Variants in DNAJB13 observed in about 807,000 individuals in gnomAD.
DNAJB13 encodes dnaJ homolog subfamily B member 13.
A neutral mutation model predicts 35.6 loss-of-function variants in DNAJB13; 22 were observed. The ratio of observed to expected loss-of-function variants is 0.62; its 90% confidence interval spans 0.44 to 0.88. DNAJB13 has a LOEUF of 0.88. Ranked by LOEUF, DNAJB13 falls within the 40% of genes least tolerant of loss-of-function variation. The probability of loss-of-function intolerance (pLI) is 0.00; values close to 1 mark genes in which losing one functional copy is unlikely to be tolerated. For synonymous variants in DNAJB13, 136 were observed against 144.2 expected (o/e 0.94, Z 0.41); for missense variants, 370 against 384.3 (o/e 0.96, Z 0.31).
Position 73,970,062 on chromosome 11 carries a change from C to G in DNAJB13, c.899C>G (p.Thr300Ser), listed in dbSNP as rs772768069. The G allele has an allele frequency of 6.2e-7, 1 of 1,611,298 alleles. No homozygotes were observed. The highest frequency in any genetic ancestry group is 8.5e-7 in the Non-Finnish European group (1 of 1,178,654). Residue 300 changes from threonine to serine, a missense_variant, in exon 8 of 8, where the codon ACC becomes AGC. By Grantham distance (58) the Thr-to-Ser change is moderately conservative (BLOSUM62 1). Transcript: ENST00000339764. ...LFIFFDIQFPTRLTPQKKQML... is the reference protein window; with the variant it reads ...LFIFFDIQFPSRLTPQKKQML... The stretch of plus-strand genomic sequence containing the variant: ...ATCTTCTTCGACATCCAGTTCCCCA[C>G]CCGCCTCACACCCCAGAAGAAGCAG...
At chr11:73,952,154 T>C (rs1429729459) in intron 1 of DNAJB13, among the ~76,000 whole-genome samples, 1 of 151,924 alleles carries the variant, frequency 6.6e-6, no homozygotes, top group East Asian at 1.9e-4. Context: ...GAAGAGGAAG[T>C]ATGGGGGGCT....
At position 73,968,420 on chromosome 11, in the gene DNAJB13, G is replaced by C. The variant is rs1410401408; in HGVS notation, c.682G>C (p.Asp228His). The change falls in exon 6 of 8, where the codon GAC (aspartate) becomes CAC (histidine). Residue 228 changes from aspartate (D) to histidine (H), a missense_variant. Asp to His is a moderately conservative substitution (Grantham distance 81). Transcript: ENST00000339764. The part of the protein sequence containing the change: ...KLHPRFRREN[D>H]NLFFVNPIPL... Reference sequence around the variant, plus strand: ...ACACCCTCGCTTCCGCAGGGAGAATGACAACCTCTTCTTCGTGAACCCCAT... The same window carrying C: ...ACACCCTCGCTTCCGCAGGGAGAATCACAACCTCTTCTTCGTGAACCCCAT... The C allele has an allele frequency of 6.2e-7, 1 of 1,614,072 alleles. No individual in the cohort carries two copies. The highest frequency in any genetic ancestry group is 1.7e-5 in the Admixed American group (1 of 60,008).
At chr11:73,961,521 G>T (rs1469216941) in intron 3 of DNAJB13, among the ~76,000 whole-genome samples, 2 of 152,118 alleles carry the variant, frequency 1.3e-5, no homozygotes. Context: ...TGAAACTCGT[G>T]GGTGGACCCA....
At chr11:73,967,978 G>T (rs1009835124) in intron 5 of DNAJB13, 3 of 383,516 alleles carry the variant, frequency 7.8e-6, no homozygotes, top group African/African-American at 6.1e-5. Context: ...GTGACTTAAT[G>T]AAGTTTGGGA....
chr11:73,968,167 G>A, intron 5 of DNAJB13, 178 bp from the exon 6 acceptor site: 1 of 617,700 alleles, frequency 1.6e-6, no homozygotes, highest in Non-Finnish European at 2.9e-6. Flanking sequence ...ATTTGGGTAA[G>A]CTTCTCGGGC....
intron 1 of DNAJB13, among the ~76,000 whole-genome samples, chr11:73,951,882 G>A (rs1950595094): frequency 6.6e-6 from 1 of 152,150 alleles, no homozygotes; most frequent in Non-Finnish European, 1.5e-5. Context: ...CCGACCTCTG[G>A]TGATCCACCC....
intron 4 of DNAJB13, 83 bp from the exon 5 acceptor site, chr11:73,966,055 G>C (rs531398323): frequency 1.0e-5 from 13 of 1,263,228 alleles, no homozygotes; most frequent in African/African-American, 7.4e-5. Flanking sequence ...GGTCACCTGA[G>C]TGTTCATGAA....
intron 3 of DNAJB13, among the ~76,000 whole-genome samples, chr11:73,962,995 A>T (rs1950975869): frequency 6.6e-6 from 1 of 152,172 alleles, no homozygotes; most frequent in Non-Finnish European, 1.5e-5. Context: ...TTAAGGCTCA[A>T]GGGCTATTAT....
At chr11:73,960,513 G>C (rs1950903228) in intron 3 of DNAJB13, among the ~76,000 whole-genome samples, 1 of 151,996 alleles carries the variant, frequency 6.6e-6, no homozygotes, top group African/African-American at 2.4e-5. Flanking sequence ...GTAGAGACAG[G>C]GTTTCGCCAT....
chr11:73,956,050 A>T (rs1950734064), intron 1 of DNAJB13, among the ~76,000 whole-genome samples: 1 of 152,168 alleles, frequency 6.6e-6, no homozygotes, highest in African/African-American at 2.4e-5. Context: ...GTCCTGCAGG[A>T]TGCTTAGCAT....
intron 2 of DNAJB13, 100 bp downstream of exon 2, chr11:73,958,520 C>A (rs1457203395): frequency 9.4e-7 from 1 of 1,058,634 alleles, no homozygotes; most frequent in African/African-American, 1.6e-5. Context: ...GAGGAAGCAT[C>A]CTTCTTCCCT....
intron 1 of DNAJB13, among the ~76,000 whole-genome samples, chr11:73,953,799 ACCATC>A (rs1404544797): frequency 6.6e-6 from 1 of 151,664 alleles, no homozygotes; most frequent in Middle Eastern, 3.4e-3. Context: ...TTCCCTCAAG[ACCATC>A]CTGGCTAACA....
intron 1 of DNAJB13, among the ~76,000 whole-genome samples, chr11:73,951,617 C>T (rs559252126): frequency 2.0e-5 from 3 of 152,296 alleles, no homozygotes; most frequent in African/African-American, 7.2e-5. Flanking sequence ...AAGCCTACAA[C>T]AGGAGTCAGT....
rs376701383 is a variant in DNAJB13, at chr11:73,966,257, G to A, written c.606+6G>A. 3.1e-6 allele frequency: 5 copies of A among 1,609,756 alleles called. No individual in the cohort carries two copies. In the South Asian group the frequency reaches 5.6e-5, roughly 18 times the overall value. ...TTGAGAAGGAAGGGGACCAGGTGAGGGGGGAAGAAGCTGACTCAGGTCAGT... is the reference window on the plus strand; with the variant it reads ...TTGAGAAGGAAGGGGACCAGGTGAGAGGGGAAGAAGCTGACTCAGGTCAGT... On this transcript the variant is annotated splice_donor_region_variant and intron_variant, in intron 5 of 7. Transcript: ENST00000339764.
Position 73,968,458 on chromosome 11 carries a change from G to A in DNAJB13, c.720G>A (p.Lys240=), listed in dbSNP as rs759272823. Residue 240 remains lysine, a splice_region_variant and synonymous_variant, in exon 6 of 8, where the codon AAG becomes AAA. Coordinates refer to ENST00000339764, the MANE Select transcript of DNAJB13 (RefSeq NM_153614.4). ...LFFVNPIPLG[K]ALTCCTVEVR... ...TCGTGAACCCCATCCCTCTTGGCAA[G>A]GTGAGTGGGCAAAGTGCAGGAGCAG... 6.2e-7 allele frequency: 1 copy of A among 1,613,130 alleles called. No individual in the cohort carries two copies. Among genetic ancestry groups the A allele is most frequent in the Non-Finnish European group, 8.5e-7 (1 of 1,179,276 alleles).
At chr11:73,957,220 G>T (rs1396568960) in intron 1 of DNAJB13, among the ~76,000 whole-genome samples, 1 of 152,198 alleles carries the variant, frequency 6.6e-6, no homozygotes, top group Non-Finnish European at 1.5e-5. Context: ...AGGGAGAAGG[G>T]CAGGGCTGCG....
intron 5 of DNAJB13, among the ~76,000 whole-genome samples, chr11:73,967,002 A>ACCAC: frequency 6.6e-6 from 1 of 152,146 alleles, no homozygotes; most frequent in South Asian, 2.1e-4. Flanking sequence ...GCAGGCATGC[A>ACCAC]CCACCACACC....
chr11:73,969,115 G>A, intron 6 of DNAJB13, 131 bp from the exon 7 acceptor site: 1 of 532,214 alleles, frequency 1.9e-6, no homozygotes. Context: ...TCACCTATTA[G>A]TTATTGAACA....
Position 73,964,815 on chromosome 11 carries a change from G to GCACC in DNAJB13, c.335-62_335-61insACCC, listed in dbSNP as rs1554992104. 1.6e-5 allele frequency: 16 copies of GCACC among 976,926 alleles called. No homozygotes were observed. In the East Asian group the frequency reaches 1.7e-4, roughly 10 times the overall value. 60.5% of individuals were successfully genotyped at this position (976,926 alleles called of 1,614,324 possible). Reference sequence around the variant, plus strand: ...TGTGTGTGTGTGTGTGTGTGTGTGCGCGCGCGCGCATGTCTGGGTCTCTGG... The same window carrying GCACC: ...TGTGTGTGTGTGTGTGTGTGTGTGCGCACCCGCGCGCGCATGTCTGGGTCTCTGG... On this transcript the variant is annotated intron_variant, in intron 3 of 7. Coordinates refer to ENST00000339764, the MANE Select transcript of DNAJB13 (RefSeq NM_153614.4).
Sources: allele counts gnomAD v4.1 joint callset (sites outside exome capture counted in the v4.1 genomes callset), GRCh38; gene constraint gnomAD v4.1.1; transcripts MANE v1.5; gene names NCBI Gene and HGNC (gene_info 2026-07-23, HGNC 2026-07-21).